DLG2: variants seen among roughly 807,000 people sequenced by gnomAD.
The protein encoded by DLG2 is discs large MAGUK scaffold protein 2, also known as disks large homolog 2.
DLG2 carries 45 observed loss-of-function variants against 132.5 expected under a neutral mutation model. The observed-to-expected ratio is 0.34, with a 90% CI of 0.27 to 0.44. DLG2 has a LOEUF of 0.44. Among genes scored for constraint, DLG2 ranks in the 20% least tolerant of loss-of-function variants. The pLI, the probability that DLG2 is intolerant of heterozygous loss-of-function variation, is 1.00. For missense variants in DLG2, 1,045 were observed against 1,196.9 expected, an observed-to-expected ratio of 0.87 and a Z score of 1.87; for synonymous variants, 424 against 419.6, an observed-to-expected ratio of 1.01 and a Z score of -0.13.
At chr11:83,522,624 G>C (rs1384269873) in intron 21 of DLG2, among the ~76,000 whole-genome samples, 1 of 151,910 alleles carries the variant, frequency 6.6e-6, no homozygotes. Context: ...AATACTTATT[G>C]GTTGAGTGCC....
chr11:85,408,154 A>G (rs1251805754), intron 3 of DLG2, among the ~76,000 whole-genome samples: 5 of 149,472 alleles, frequency 3.3e-5, no homozygotes, highest in Non-Finnish European at 7.4e-5. Flanking sequence ...TATTTATAAA[A>G]TAAGATTTAA....
chr11:83,514,713 T>A (rs2095220637), intron 21 of DLG2, among the ~76,000 whole-genome samples: 1 of 152,178 alleles, frequency 6.6e-6, no homozygotes, highest in African/African-American at 2.4e-5. Context: ...CATCAATACC[T>A]AATTTATTGA....
Position 85,053,863 on chromosome 11 carries a change from C to T in DLG2, c.357+57798G>A, listed in dbSNP as rs183454788. Among the ~76,000 whole-genome samples the T allele has an allele frequency of 1.4e-4, 21 of 146,778 alleles. No individual in the cohort carries two copies. The East Asian group carries it at 2.8e-3, about 20-fold the overall frequency. On this transcript the variant is annotated intron_variant, in intron 6 of 27. Transcript: ENST00000376104. Reference sequence around the variant, plus strand: ...AGTCCTCATGGCCTAAAGTGTAGAACTTAGAGAAAAGTACAAAAATATGGG... The same window carrying T: ...AGTCCTCATGGCCTAAAGTGTAGAATTTAGAGAAAAGTACAAAAATATGGG...
chr11:84,626,049 C>T lies in DLG2; in HGVS notation c.358-91318G>A, dbSNP rs377484669. Among the ~76,000 whole-genome samples the T allele has an allele frequency of 5.9e-5, 9 of 152,230 alleles. No homozygotes were observed. In the South Asian group the frequency reaches 1.5e-3, roughly 25 times the overall value. On this transcript the variant is annotated intron_variant, in intron 6 of 27. Coordinates refer to ENST00000376104, the MANE Select transcript of DLG2 (RefSeq NM_001142699.3). Reference sequence around the variant, plus strand: ...ATAATTATGATAGTAACTGCTATTGCTTATTGAGGACCGACTCTTTTGAGA... The same window carrying T: ...ATAATTATGATAGTAACTGCTATTGTTTATTGAGGACCGACTCTTTTGAGA...
At chr11:83,827,069 G>A (rs2153989978) in intron 17 of DLG2, among the ~76,000 whole-genome samples, 2 of 152,244 alleles carry the variant, frequency 1.3e-5, no homozygotes, top group Middle Eastern at 3.4e-3. Flanking sequence ...ATGGGACCGG[G>A]AACCAGAGCC....
chr11:85,442,918 AAAG>A lies in DLG2; in HGVS notation c.40+155736_40+155738del, dbSNP rs956206597. Among the ~76,000 whole-genome samples, 12 of 152,162 alleles carry A rather than the reference AAAG, an allele frequency of 7.9e-5. No homozygotes were observed. In the South Asian group the frequency reaches 8.3e-4, roughly 11 times the overall value. On this transcript the variant is annotated intron_variant, in intron 3 of 27. Transcript: ENST00000376104. The stretch of plus-strand genomic sequence containing the variant: ...GGAAGAAGAAGAAGGGAAGAAGAAG[AAAG>A]AAGAAGAAGGAGGAAGAAGGAGGGA...
chr11:84,128,372 T>C (rs1457394573), intron 9 of DLG2, among the ~76,000 whole-genome samples: 1 of 152,180 alleles, frequency 6.6e-6, no homozygotes, highest in Non-Finnish European at 1.5e-5. Context: ...TGCTGCATTT[T>C]AGTGATTTAA....
chr11:85,292,861 A>T (rs1429630770), intron 3 of DLG2, among the ~76,000 whole-genome samples: 1 of 151,938 alleles, frequency 6.6e-6, no homozygotes, highest in South Asian at 2.1e-4. Context: ...GGCTTTTTGG[A>T]GAAAGGGCTC....
intron 12 of DLG2, among the ~76,000 whole-genome samples, chr11:83,974,725 T>C (rs1364258574): frequency 6.6e-6 from 1 of 152,038 alleles, no homozygotes; most frequent in East Asian, 1.9e-4. Context: ...GCTACTATGG[T>C]ACAGAGGCCA....
At chr11:84,964,533 G>T (rs2053050767) in intron 6 of DLG2, among the ~76,000 whole-genome samples, 1 of 152,006 alleles carries the variant, frequency 6.6e-6, no homozygotes, top group South Asian at 2.1e-4. Flanking sequence ...ATGAAATGAA[G>T]ATCCTATAAT....
At chr11:83,825,798 G>A (rs1373882054) in intron 17 of DLG2, among the ~76,000 whole-genome samples, 1 of 152,160 alleles carries the variant, frequency 6.6e-6, no homozygotes, top group Non-Finnish European at 1.5e-5. Flanking sequence ...GAGCCCTCCT[G>A]AGTGACCCAC....
intron 6 of DLG2, among the ~76,000 whole-genome samples, chr11:84,961,526 TTGTGTGTG>T (rs71465017): frequency 0.36 from 51,146 of 143,740 alleles, 8,976 homozygotes; most frequent in East Asian, 0.66. Context: ...AATTGTATCT[TTGTGTGTG>T]TGTGTGTGTG....
At chr11:84,903,070 C>A (rs2091091864) in intron 6 of DLG2, among the ~76,000 whole-genome samples, 1 of 44,638 alleles carries the variant, frequency 2.2e-5, no homozygotes, top group Middle Eastern at 0.016. Context: ...CCCAGGCCAT[C>A]TTCCAACTCT....
chr11:83,633,871 T>C (rs923774738), intron 18 of DLG2, among the ~76,000 whole-genome samples: 2 of 151,874 alleles, frequency 1.3e-5, no homozygotes, highest in Admixed American at 1.3e-4. Flanking sequence ...AAAATGTTAC[T>C]ATTGGGAGAA....
intron 6 of DLG2, among the ~76,000 whole-genome samples, chr11:84,881,521 TTTC>T (rs1195418309): frequency 6.6e-6 from 1 of 152,118 alleles, no homozygotes; most frequent in African/African-American, 2.4e-5. Context: ...GGGTCCAGTA[TTTC>T]TTAACGGGGG....
At chr11:85,332,104 C>T (rs2081798666) in intron 3 of DLG2, among the ~76,000 whole-genome samples, 1 of 152,104 alleles carries the variant, frequency 6.6e-6, no homozygotes, top group Non-Finnish European at 1.5e-5. Context: ...AATTCCCTTT[C>T]CTCTTCAACC....
chr11:83,778,936 G>A (rs2094697020), intron 18 of DLG2, among the ~76,000 whole-genome samples: 1 of 152,090 alleles, frequency 6.6e-6, no homozygotes, highest in South Asian at 2.1e-4. Flanking sequence ...AGACTTCCTG[G>A]GAAGTGTCTA....
At chr11:84,588,760 G>A (rs1359516535) in intron 6 of DLG2, among the ~76,000 whole-genome samples, 2 of 148,052 alleles carry the variant, frequency 1.4e-5, no homozygotes, top group Non-Finnish European at 3.0e-5. Context: ...AACCAAGATG[G>A]TAAACTTTTT....
intron 6 of DLG2, among the ~76,000 whole-genome samples, chr11:84,774,516 G>C (rs1375958687): frequency 6.6e-6 from 1 of 152,062 alleles, no homozygotes; most frequent in Non-Finnish European, 1.5e-5. Context: ...AAAGAACAAA[G>C]CTTAAAGCAT....
Sources: allele counts gnomAD v4.1 joint callset (sites outside exome capture counted in the v4.1 genomes callset), GRCh38; gene constraint gnomAD v4.1.1; transcripts MANE v1.5; gene names NCBI Gene and HGNC (gene_info 2026-07-23, HGNC 2026-07-21).